The following KCNMB4 variants were observed in gnomAD, a reference collection of about 807,000 sequenced individuals.
KCNMB4 encodes calcium-activated potassium channel subunit beta-4.
A neutral mutation model predicts 20.7 loss-of-function variants in KCNMB4; 3 were observed. The ratio of observed to expected loss-of-function variants is 0.14; its 90% CI spans 0.07 to 0.37. The LOEUF (loss-of-function observed/expected upper bound fraction) is 0.37. Among genes scored for constraint, KCNMB4 ranks in the 10% least tolerant of loss-of-function variants. KCNMB4 has a pLI of 1.00. For synonymous variants in KCNMB4, 110 were observed against 113.4 expected (o/e 0.97, Z 0.19); for missense variants, 168 against 265.9 (o/e 0.63, Z 2.56).
At chr12:70,392,636 G>A (rs1323118806) in intron 1 of KCNMB4, among the ~76,000 whole-genome samples, 3 of 152,266 alleles carry the variant, frequency 2.0e-5, no homozygotes, top group East Asian at 3.9e-4. Context: ...ATACACCATG[G>A]AATACTAATG....
intron 2 of KCNMB4, chr12:70,422,681 G>T (rs1869097204): frequency 7.8e-7 from 1 of 1,287,312 alleles, no homozygotes; most frequent in African/African-American, 1.5e-5. Context: ...AAGACAGAAA[G>T]TCATAAGCAT....
chr12:70,374,150 A>C (rs1012618899), intron 1 of KCNMB4, among the ~76,000 whole-genome samples: 1 of 152,244 alleles, frequency 6.6e-6, no homozygotes, highest in Admixed American at 6.5e-5. Flanking sequence ...CAGAAACTAA[A>C]AATCAAAAGA....
intron 1 of KCNMB4, among the ~76,000 whole-genome samples, chr12:70,377,614 A>G (rs1337582633): frequency 1.3e-5 from 2 of 152,164 alleles, no homozygotes; most frequent in South Asian, 2.1e-4. Flanking sequence ...TTCCTGCATC[A>G]ATTGACTCTT....
intron 2 of KCNMB4, among the ~76,000 whole-genome samples, chr12:70,402,009 C>T (rs979626159): frequency 3.3e-5 from 5 of 152,196 alleles, no homozygotes; most frequent in African/African-American, 7.2e-5. Context: ...TTTGTCACCA[C>T]ATTTAATCTA....
chr12:70,428,093 A>G (rs746248024), intron 2 of KCNMB4, among the ~76,000 whole-genome samples: 2 of 151,858 alleles, frequency 1.3e-5, no homozygotes, highest in African/African-American at 2.4e-5. Context: ...ATCGTGGCTC[A>G]CTGCAGCCTC....
rs1396137689 is a variant in KCNMB4 at position 70,433,427 on chromosome 12, A to T, written c.*2774A>T. 1 of 152,206 alleles carries T rather than the reference A, an allele frequency of 6.6e-6. No homozygotes were observed. Among genetic ancestry groups the T allele is most frequent in the East Asian group, 1.9e-4 (1 of 5,188 alleles). The allele number at this position is 152,206 out of a possible 1,614,324, so 9.4% of individuals were successfully genotyped here. A position where few individuals can be genotyped will look rare whatever the true frequency, so the allele number is the denominator to read the frequency against. ...TCTTTCCATGGTCAAAGCTGGCTCAAGACTTCCTAGCCTGTGAAAAAAGAA... is the reference window on the plus strand; with the variant it reads ...TCTTTCCATGGTCAAAGCTGGCTCATGACTTCCTAGCCTGTGAAAAAAGAA... On this transcript the variant is annotated 3_prime_UTR_variant, in exon 3 of 3. Transcript: ENST00000258111.
rs1883495707 is a variant in KCNMB4 at position 70,366,605 on chromosome 12, C to G, written c.-130C>G. ...TTTGTTCTCGCGCGCTCCCCCTCGCCGCCCACTCCCCTGCTGTCGCGCGGC... is the reference window on the plus strand; with the variant it reads ...TTTGTTCTCGCGCGCTCCCCCTCGCGGCCCACTCCCCTGCTGTCGCGCGGC... On this transcript the variant is annotated 5_prime_UTR_variant, in exon 1 of 3. Coordinates refer to ENST00000258111, the MANE Select transcript of KCNMB4 (RefSeq NM_014505.6). The G allele has an allele frequency of 1.8e-6, 1 of 545,802 alleles. No homozygotes were observed. Among genetic ancestry groups the G allele is most frequent in the Admixed American group, 5.0e-5 (1 of 19,904 alleles). 33.8% of individuals were successfully genotyped at this position (545,802 alleles called of 1,614,324 possible).
At chr12:70,424,235 T>G (rs1372164101) in intron 2 of KCNMB4, among the ~76,000 whole-genome samples, 4 of 152,110 alleles carry the variant, frequency 2.6e-5, no homozygotes, top group Non-Finnish European at 5.9e-5. Flanking sequence ...GCTACTGCTT[T>G]TAGTCAGATA....
At chr12:70,414,601 A>G (rs920896160) in intron 2 of KCNMB4, among the ~76,000 whole-genome samples, 5 of 152,176 alleles carry the variant, frequency 3.3e-5, no homozygotes, top group African/African-American at 1.2e-4. Context: ...GAACATTTCT[A>G]CCACCCTTGA....
chr12:70,379,508 C>T (rs143678448), intron 1 of KCNMB4, among the ~76,000 whole-genome samples: 1,558 of 152,176 alleles, frequency 0.01, 98 homozygotes, highest in Admixed American at 0.088. Context: ...AACCTCCACC[C>T]CAAGCTCAAG....
intron 1 of KCNMB4, among the ~76,000 whole-genome samples, chr12:70,395,523 A>G (rs1868343240): frequency 6.6e-6 from 1 of 152,222 alleles, no homozygotes; most frequent in Non-Finnish European, 1.5e-5. Context: ...TGGCAGAAAA[A>G]AAAATGCTGT....
At chr12:70,410,265 A>C (rs371359289) in intron 2 of KCNMB4, among the ~76,000 whole-genome samples, 6 of 152,304 alleles carry the variant, frequency 3.9e-5, no homozygotes, top group African/African-American at 1.4e-4. Context: ...TTCCTACAAA[A>C]GTGTTTGCTA....
At chr12:70,383,663 A>G (rs184439914) in intron 1 of KCNMB4, among the ~76,000 whole-genome samples, 23 of 152,322 alleles carry the variant, frequency 1.5e-4, no homozygotes, top group Admixed American at 1.4e-3. Flanking sequence ...GTTTCCTGCA[A>G]TCCTTGCATT....
intron 2 of KCNMB4, among the ~76,000 whole-genome samples, chr12:70,420,872 C>T (rs1411885880): frequency 5.9e-5 from 9 of 151,902 alleles, no homozygotes; most frequent in Non-Finnish European, 1.0e-4. Context: ...TCCTGGCTAA[C>T]ACGGTGAAAC....
intron 2 of KCNMB4, among the ~76,000 whole-genome samples, chr12:70,402,654 C>CAAAAA (rs34956547): frequency 4.0e-5 from 3 of 75,064 alleles, no homozygotes; most frequent in South Asian, 6.2e-4. Flanking sequence ...GACCCTGCCT[C>CAAAAA]AAAAAAAAAA....
chr12:70,414,714 T>TC (rs2136137474), intron 2 of KCNMB4, among the ~76,000 whole-genome samples: 1 of 152,294 alleles, frequency 6.6e-6, no homozygotes, highest in South Asian at 2.1e-4. Flanking sequence ...TTAAATTTGC[T>TC]CTCCCAACAT....
intron 1 of KCNMB4, among the ~76,000 whole-genome samples, chr12:70,368,275 G>A (rs920405682): frequency 2.0e-5 from 3 of 151,796 alleles, no homozygotes; most frequent in African/African-American, 4.8e-5. Flanking sequence ...ACAGCTTACC[G>A]TCACTCTGCA....
intron 2 of KCNMB4, among the ~76,000 whole-genome samples, chr12:70,406,064 A>G (rs1274891872): frequency 1.3e-5 from 2 of 152,230 alleles, no homozygotes; most frequent in Non-Finnish European, 2.9e-5. Flanking sequence ...TATATGAAGT[A>G]TCTAAAATAG....
intron 1 of KCNMB4, among the ~76,000 whole-genome samples, chr12:70,370,307 G>T (rs199748210): frequency 2.7e-5 from 4 of 149,540 alleles, no homozygotes; most frequent in East Asian, 2.0e-4. Context: ...GTTTTTTTTT[G>T]TTTTTTTGTT....
Sources: gnomAD v4.1 joint callset for allele counts (sites outside exome capture counted in the v4.1 genomes callset) on GRCh38, gnomAD v4.1.1 for gene constraint, MANE v1.5 for transcripts, NCBI Gene and HGNC (gene_info 2026-07-23, HGNC 2026-07-21) for gene names.